The following CAMTA1 variants were observed in gnomAD, a reference collection of about 807,000 sequenced individuals.
The protein encoded by CAMTA1 is calmodulin-binding transcription activator 1.
CAMTA1 carries 27 observed loss-of-function variants against 170.9 expected under a neutral mutation model. That is an observed-to-expected ratio of 0.16 (90% CI 0.12 to 0.22). CAMTA1 has a LOEUF of 0.22. Ranked by LOEUF, CAMTA1 falls within the 10% of genes least tolerant of loss-of-function variation. The probability of loss-of-function intolerance (pLI) is 1.00; values close to 1 mark genes in which losing one functional copy is unlikely to be tolerated. For synonymous variants in CAMTA1, 833 were observed against 891.5 expected (o/e 0.93, Z 1.17); for missense variants, 1,619 against 2,217.2 (o/e 0.73, Z 5.42).
At position 7,534,127 on chromosome 1, in the gene CAMTA1, G is replaced by T. The variant is rs1410697218; in HGVS notation, c.510+66226G>T. On this transcript the variant is annotated intron_variant, in intron 6 of 22. Transcript: ENST00000303635. The surrounding 1 kb of genome is among the most constrained non-coding windows in gnomAD (Gnocchi z 5.6). Reference sequence around the variant, plus strand: ...CATCACCGGTCACCCCGCCCGCCAGGCCCCTGGCAGCCTCATATCTGCCAA... The same window carrying T: ...CATCACCGGTCACCCCGCCCGCCAGTCCCCTGGCAGCCTCATATCTGCCAA... Among the ~76,000 whole-genome samples the T allele has an allele frequency of 6.6e-6, 1 of 152,072 alleles. No homozygotes were observed. Among genetic ancestry groups the T allele is most frequent in the African/African-American group, 2.4e-5 (1 of 41,398 alleles).
At chr1:7,743,576 G>T (rs1229646971) in intron 16 of CAMTA1, among the ~76,000 whole-genome samples, 1 of 152,112 alleles carries the variant, frequency 6.6e-6, no homozygotes, top group East Asian at 1.9e-4. Flanking sequence ...CATGCACCAT[G>T]CAGCCCACTG....
chr1:7,120,624 A>G (rs1644587517), intron 4 of CAMTA1, among the ~76,000 whole-genome samples: 1 of 152,202 alleles, frequency 6.6e-6, no homozygotes, highest in African/African-American at 2.4e-5. Context: ...TTGGGGGCCA[A>G]GGGACTGCAC....
intron 6 of CAMTA1, among the ~76,000 whole-genome samples, chr1:7,555,322 A>G (rs551306677): frequency 6.3e-4 from 96 of 152,298 alleles, no homozygotes; most frequent in African/African-American, 2.2e-3. Flanking sequence ...GCATGTGGGT[A>G]GGACCCAGGA....
intron 4 of CAMTA1, among the ~76,000 whole-genome samples, chr1:7,243,871 A>G (rs1665314636): frequency 6.6e-6 from 1 of 152,236 alleles, no homozygotes; most frequent in Non-Finnish European, 1.5e-5. Context: ...AATGGCAACA[A>G]AAGCCAAAAT....
At chr1:7,247,244 G>A (rs1574177677) in intron 4 of CAMTA1, among the ~76,000 whole-genome samples, 1 of 152,230 alleles carries the variant, frequency 6.6e-6, no homozygotes, top group African/African-American at 2.4e-5. Context: ...CGGATGACAG[G>A]GCTACTCTCA....
intron 3 of CAMTA1, among the ~76,000 whole-genome samples, chr1:7,075,989 T>C (rs1639252732): frequency 6.6e-6 from 1 of 152,114 alleles, no homozygotes. Context: ...AGACCCTAAC[T>C]TAGGTGCCTG....
At chr1:6,825,247 T>A in intron 3 of CAMTA1, 37 bp downstream of exon 3, 1 of 1,194,432 alleles carries the variant, frequency 8.4e-7, no homozygotes, top group Non-Finnish European at 1.2e-6. Flanking sequence ...ATAATTATTT[T>A]AAGGGCAAAT....
In CAMTA1 at chr1:7,443,544, A is replaced by T. The variant is rs1233690093; in HGVS notation, c.439-24286A>T. On this transcript the variant is annotated intron_variant, in intron 5 of 22. Coordinates refer to ENST00000303635, the MANE Select transcript of CAMTA1 (RefSeq NM_015215.4). The surrounding 1 kb of genome is among the most constrained non-coding windows in gnomAD (Gnocchi z 4.1). Reference sequence around the variant, plus strand: ...ACCACTGATTGAGCTTCTGCTTGGCATATGGCCCTGCTAGGGCACTGGGAA... The same window carrying T: ...ACCACTGATTGAGCTTCTGCTTGGCTTATGGCCCTGCTAGGGCACTGGGAA... Among the ~76,000 whole-genome samples, 1 of 151,848 alleles carries T rather than the reference A, an allele frequency of 6.6e-6. No individual in the cohort carries two copies. Among genetic ancestry groups the T allele is most frequent in the Non-Finnish European group, 1.5e-5 (1 of 67,908 alleles).
Position 7,275,091 on chromosome 1 carries a change from G to A in CAMTA1, c.438+25465G>A, listed in dbSNP as rs549225983. ...CAGGAGGCGGAGGTTGCAGTGAGCC[G>A]AGATCGCAACACTGCACTCCTGCCT... On this transcript the variant is annotated intron_variant, in intron 5 of 22. Transcript: ENST00000303635. 4.0e-4 allele frequency among the ~76,000 whole-genome samples: 54 copies of A among 135,318 alleles called. 2 individuals are homozygous for A. The East Asian group carries it at 6.2e-3, about 16-fold the overall frequency. 88.8% of individuals were successfully genotyped at this position (135,318 alleles called of 152,430 possible).
At chr1:7,518,258 C>G (rs2094313311) in intron 6 of CAMTA1, among the ~76,000 whole-genome samples, 1 of 151,982 alleles carries the variant, frequency 6.6e-6, no homozygotes. Flanking sequence ...TCCCAGACTT[C>G]TAGAAGCCCC....
chr1:6,886,337 TA>T (rs34059893), intron 3 of CAMTA1: 27,967 of 437,752 alleles, frequency 0.064, 1,013 homozygotes, highest in Middle Eastern at 0.11. Context: ...TATTTTATGT[TA>T]AAAAAAATGT....
chr1:6,907,762 C>T (rs370421565), intron 3 of CAMTA1, among the ~76,000 whole-genome samples: 23 of 152,280 alleles, frequency 1.5e-4, no homozygotes, highest in Non-Finnish European at 2.9e-4. Context: ...GCATGTGCCC[C>T]GTGACTGGCA....
At chr1:7,756,583 T>G (rs558324123) in intron 22 of CAMTA1, among the ~76,000 whole-genome samples, 211 of 152,250 alleles carry the variant, frequency 1.4e-3, no homozygotes, top group African/African-American at 5.0e-3. Flanking sequence ...GTACGATGGC[T>G]CATGCCTATA....
chr1:7,510,976 G>A (rs1246986978), intron 6 of CAMTA1, among the ~76,000 whole-genome samples: 2 of 144,634 alleles, frequency 1.4e-5, no homozygotes, highest in Non-Finnish European at 1.5e-5. Context: ...CCTTTTCCAG[G>A]GAGGCTCCTG....
At chr1:6,882,802 A>T (rs962760218) in intron 3 of CAMTA1, among the ~76,000 whole-genome samples, 1 of 152,174 alleles carries the variant, frequency 6.6e-6, no homozygotes, top group Admixed American at 6.5e-5. Flanking sequence ...AAGTCCAGAC[A>T]TGGAGCCCTG....
chr1:7,648,520 G>A (rs2149008757), intron 7 of CAMTA1, among the ~76,000 whole-genome samples: 1 of 152,320 alleles, frequency 6.6e-6, no homozygotes, highest in Admixed American at 6.5e-5. Flanking sequence ...GGTGTTGTTA[G>A]AGGGACTCTT....
intron 3 of CAMTA1, among the ~76,000 whole-genome samples, chr1:6,830,582 A>G (rs1470237649): frequency 1.3e-5 from 2 of 152,168 alleles, no homozygotes; most frequent in African/African-American, 2.4e-5. Flanking sequence ...ACCTCAGGTG[A>G]TCCGCCTGCC....
chr1:6,934,549 G>C lies in CAMTA1; in HGVS notation c.234+109339G>C, dbSNP rs1027062483. On this transcript the variant is annotated intron_variant, in intron 3 of 22. Transcript: ENST00000303635. The surrounding 1 kb of genome is among the most constrained non-coding windows in gnomAD (Gnocchi z 4.5). ...AACTTGGCCACTGTGGACCCGCTTG[G>C]GCTAGCTGCGTGTCTCTGTGTGTTG... is the stretch of plus-strand genomic sequence containing the variant. Among the ~76,000 whole-genome samples, 1 of 152,154 alleles carries C rather than the reference G, an allele frequency of 6.6e-6. No individual in the cohort carries two copies.
chr1:7,069,164 T>C (rs1301281140), intron 3 of CAMTA1, among the ~76,000 whole-genome samples: 1 of 152,208 alleles, frequency 6.6e-6, no homozygotes, highest in African/African-American at 2.4e-5. Flanking sequence ...CAAAGGCAAC[T>C]GGGAAAGATT....
Sources: allele counts gnomAD v4.1 joint callset (sites outside exome capture counted in the v4.1 genomes callset), GRCh38; gene constraint gnomAD v4.1.1; non-coding constraint Gnocchi (gnomAD v3.1); transcripts MANE v1.5; gene names NCBI Gene and HGNC (gene_info 2026-07-23, HGNC 2026-07-21).